The following ASIC2 variants were observed in gnomAD, a reference collection of about 807,000 sequenced individuals.
ASIC2 encodes acid sensing ion channel subunit 2.
In ASIC2, 25 loss-of-function variants were observed where a neutral mutation model predicts 57.3. That is an observed-to-expected ratio of 0.44 (90% confidence interval 0.32 to 0.61). The LOEUF (loss-of-function observed/expected upper bound fraction) is 0.61, where lower values mean the gene tolerates loss of function less well. Among genes scored for constraint, ASIC2 ranks in the 20% least tolerant of loss-of-function variants. The pLI is 0.06. For missense variants in ASIC2, 641 were observed against 738.1 expected (o/e 0.87, Z 1.52); for synonymous variants, 319 against 307.5 (o/e 1.04, Z -0.39).
chr17:33,610,322 T>G (rs1905361552), intron 1 of ASIC2, among the ~76,000 whole-genome samples: 2 of 152,010 alleles, frequency 1.3e-5, no homozygotes, highest in Non-Finnish European at 2.9e-5. Flanking sequence ...CATGCCTGGC[T>G]TTTTTTGTAT....
At chr17:33,049,965 T>C (rs533447497) in intron 3 of ASIC2, among the ~76,000 whole-genome samples, 66 of 152,218 alleles carry the variant, frequency 4.3e-4, no homozygotes, top group African/African-American at 1.6e-3. Context: ...CACTGGACTA[T>C]CTGTCTCCTG....
At chr17:33,104,529 A>G (rs1374718840) in intron 2 of ASIC2, among the ~76,000 whole-genome samples, 1 of 152,186 alleles carries the variant, frequency 6.6e-6, no homozygotes, top group Non-Finnish European at 1.5e-5. Flanking sequence ...GAGAAAGCAA[A>G]CGGGGGTTTC....
At chr17:33,338,643 A>G (rs188876) in intron 1 of ASIC2, among the ~76,000 whole-genome samples, 126,443 of 152,170 alleles carry the variant, frequency 0.83, 52,600 homozygotes, top group East Asian at 1. Context: ...CTTTTGGGGT[A>G]AGAAGGTAAA....
chr17:34,128,192 C>T (rs918721996), intron 1 of ASIC2, among the ~76,000 whole-genome samples: 1 of 152,140 alleles, frequency 6.6e-6, no homozygotes, highest in South Asian at 2.1e-4. Context: ...GAATAACTAA[C>T]ACATCAGAAG....
chr17:34,148,397 G>A (rs914804098), intron 1 of ASIC2, among the ~76,000 whole-genome samples: 22 of 152,290 alleles, frequency 1.4e-4, no homozygotes, highest in Non-Finnish European at 1.5e-4. Flanking sequence ...GATCCCAAAC[G>A]GAGGCTGACA....
intron 1 of ASIC2, among the ~76,000 whole-genome samples, chr17:33,859,575 T>A (rs1258261866): frequency 6.6e-6 from 1 of 152,052 alleles, no homozygotes; most frequent in Non-Finnish European, 1.5e-5. Flanking sequence ...GCAGGGAAGA[T>A]CTCCTGAAGG....
intron 3 of ASIC2, among the ~76,000 whole-genome samples, chr17:33,076,520 T>C (rs1649249842): frequency 6.6e-6 from 1 of 152,224 alleles, no homozygotes; most frequent in Non-Finnish European, 1.5e-5. Context: ...AAATGAAGAA[T>C]CTTCCTGCAC....
At chr17:33,514,251 G>A (rs1381217121) in intron 1 of ASIC2, among the ~76,000 whole-genome samples, 4 of 152,056 alleles carry the variant, frequency 2.6e-5, no homozygotes, top group Non-Finnish European at 4.4e-5. Flanking sequence ...CTGAGGCCCT[G>A]GATTTCAAGG....
intron 1 of ASIC2, among the ~76,000 whole-genome samples, chr17:33,290,245 C>T (rs1385111592): frequency 1.3e-5 from 2 of 152,256 alleles, no homozygotes; most frequent in Admixed American, 1.3e-4. Context: ...CATGCCAACA[C>T]TTGTTGGAAC....
intron 1 of ASIC2, chr17:33,932,674 TTGCACTCC>T (rs1915956837): frequency 8.4e-6 from 1 of 119,294 alleles, no homozygotes; most frequent in Non-Finnish European, 1.6e-5. Context: ...GATCATACCA[TTGCACTCC>T]AGCCTGGGCA....
At chr17:33,932,741 A>AAAAAAAATATATATATAT (rs1555572867) in intron 1 of ASIC2, 11 of 58,692 alleles carry the variant, frequency 1.9e-4, no homozygotes, top group Non-Finnish European at 2.8e-4. Flanking sequence ...AAAAAAAAAA[A>AAAAAAAATATATATATAT]ATATATATAT....
chr17:33,938,326 A>T (rs895615586), intron 1 of ASIC2, among the ~76,000 whole-genome samples: 1 of 151,868 alleles, frequency 6.6e-6, no homozygotes, highest in Non-Finnish European at 1.5e-5. Context: ...TACCACACCC[A>T]ATGTCCCTGA....
chr17:33,310,370 T>C (rs945151293), intron 1 of ASIC2, among the ~76,000 whole-genome samples: 13 of 152,152 alleles, frequency 8.5e-5, no homozygotes, highest in African/African-American at 3.1e-4. Context: ...CTAGATGACC[T>C]CTAGGGTTTG....
chr17:33,393,039 C>A (rs1381264410), intron 1 of ASIC2, among the ~76,000 whole-genome samples: 4 of 152,172 alleles, frequency 2.6e-5, no homozygotes, highest in African/African-American at 9.7e-5. Flanking sequence ...ATGTCTCCTA[C>A]CTCTCATGCA....
At chr17:33,873,894 C>T (rs111519687) in intron 1 of ASIC2, among the ~76,000 whole-genome samples, 3 of 152,292 alleles carry the variant, frequency 2.0e-5, no homozygotes, top group African/African-American at 7.2e-5. Flanking sequence ...CTGGTCTTAC[C>T]TCTGGCACTT....
chr17:33,414,975 T>C (rs1417126312), intron 1 of ASIC2, among the ~76,000 whole-genome samples: 1 of 152,210 alleles, frequency 6.6e-6, no homozygotes, highest in Admixed American at 6.5e-5. Flanking sequence ...CCTCACATGT[T>C]GGTGGGACTG....
chr17:33,182,966 A>G (rs956702152), intron 1 of ASIC2, among the ~76,000 whole-genome samples: 6 of 152,186 alleles, frequency 3.9e-5, no homozygotes, highest in African/African-American at 1.4e-4. Context: ...GTGAATTTTC[A>G]TTACTTCTTT....
chr17:34,145,624 C>T (rs982764897), intron 1 of ASIC2, among the ~76,000 whole-genome samples: 2 of 152,190 alleles, frequency 1.3e-5, no homozygotes, highest in Non-Finnish European at 2.9e-5. Context: ...TAGCTCTGCT[C>T]CCTGGCTTCA....
chr17:33,142,732 C>T (rs984979368), intron 1 of ASIC2, among the ~76,000 whole-genome samples: 2 of 152,348 alleles, frequency 1.3e-5, no homozygotes, highest in Middle Eastern at 3.4e-3. Context: ...CTGCCTTCTC[C>T]TTTGGGCCTC....
Sources: allele counts gnomAD v4.1 joint callset (sites outside exome capture counted in the v4.1 genomes callset), GRCh38; gene constraint gnomAD v4.1.1; transcripts MANE v1.5; gene names NCBI Gene and HGNC (gene_info 2026-07-23, HGNC 2026-07-21).